Variants in ZDHHC14 observed in about 807,000 individuals in gnomAD.
The protein encoded by ZDHHC14 is palmitoyltransferase ZDHHC14.
ZDHHC14 carries 16 observed loss-of-function variants against 47.7 expected under a neutral mutation model. That is an observed-to-expected ratio of 0.34 (90% confidence interval 0.23 to 0.51). The LOEUF is 0.51. ZDHHC14 is among the 20% of genes least tolerant of loss of function. ZDHHC14 has a pLI of 0.97. For missense variants in ZDHHC14, 515 were observed against 662.5 expected (o/e 0.78, Z 2.44); for synonymous variants, 293 against 278.9 (o/e 1.05, Z -0.50).
intron 1 of ZDHHC14, among the ~76,000 whole-genome samples, chr6:157,428,016 G>A (rs760567188): frequency 1.3e-5 from 2 of 152,142 alleles, no homozygotes; most frequent in Admixed American, 6.5e-5. Flanking sequence ...AATAGGGATC[G>A]TGAATAGAGG....
In ZDHHC14 at chr6:157,402,831, A is replaced by G. The variant is rs556671787; in HGVS notation, c.245+20565A>G. Among the ~76,000 whole-genome samples, 13 of 152,136 alleles carry G rather than the reference A, an allele frequency of 8.5e-5. No individual in the cohort carries two copies. In the East Asian group the frequency reaches 2.3e-3, roughly 27 times the overall value. Reference sequence around the variant, plus strand: ...AACCTCCGCCTCCTGGGTTCAAGCAATTCTCCTGCCTCAGCCTCCCAAGTA... The same window carrying G: ...AACCTCCGCCTCCTGGGTTCAAGCAGTTCTCCTGCCTCAGCCTCCCAAGTA... On this transcript the variant is annotated intron_variant, in intron 1 of 8. Coordinates refer to ENST00000359775, the MANE Select transcript of ZDHHC14 (RefSeq NM_024630.3).
chr6:157,455,783 G>A lies in ZDHHC14; in HGVS notation c.245+73517G>A, dbSNP rs550192096. The stretch of plus-strand genomic sequence containing the variant: ...AAGCGGCTCTTGTTAGAAGGAAAAC[G>A]ACTGTAGAACACAGCATTTTCTCTC... On this transcript the variant is annotated intron_variant, in intron 1 of 8. Transcript: ENST00000359775. Among the ~76,000 whole-genome samples, 10 of 152,322 alleles carry A rather than the reference G, an allele frequency of 6.6e-5. No individual in the cohort carries two copies. The South Asian group carries it at 2.1e-3, about 32-fold the overall frequency.
rs1777470073 is a variant in ZDHHC14, at chr6:157,393,891, A to G, written c.245+11625A>G. ...CTTTCCTAAGCAAGATTGCACGGTC[A>G]TGGTGGTTGCTCTGGCCTTTGCAAA... is the stretch of plus-strand genomic sequence containing the variant. On this transcript the variant is annotated intron_variant, in intron 1 of 8. Transcript: ENST00000359775. Among the ~76,000 whole-genome samples, 3 of 152,182 alleles carry G rather than the reference A, an allele frequency of 2.0e-5. 1 individual carries two copies. The South Asian group carries it at 6.2e-4, about 32-fold the overall frequency.
chr6:157,397,079 T>C (rs187081316), intron 1 of ZDHHC14, among the ~76,000 whole-genome samples: 3 of 152,350 alleles, frequency 2.0e-5, no homozygotes, highest in African/African-American at 4.8e-5. Context: ...TTGACTCTTA[T>C]GTGAAATTGT....
chr6:157,646,647 A>G lies in ZDHHC14; in HGVS notation c.856-612A>G, dbSNP rs377718572. ...AAAAAAAAAGAGGAAACAAAATGTT[A>G]GAGAATGTTTCCAGAGCAGCGTGGT... is the stretch of plus-strand genomic sequence containing the variant. On this transcript the variant is annotated intron_variant, in intron 6 of 8. Transcript: ENST00000359775. 1.4e-4 allele frequency among the ~76,000 whole-genome samples: 21 copies of G among 151,470 alleles called. 1 individual carries two copies. In the South Asian group the frequency reaches 4.2e-3, roughly 30 times the overall value.
intron 1 of ZDHHC14, among the ~76,000 whole-genome samples, chr6:157,474,753 GT>G (rs1208152722): frequency 1.3e-5 from 2 of 152,070 alleles, no homozygotes; most frequent in Admixed American, 6.5e-5. Flanking sequence ...TGGGTTATTT[GT>G]TTTCTTAGTA....
intron 8 of ZDHHC14, among the ~76,000 whole-genome samples, chr6:157,653,990 C>G (rs1433531250): frequency 6.6e-6 from 1 of 152,178 alleles, no homozygotes; most frequent in East Asian, 1.9e-4. Context: ...CTTTCCGTCC[C>G]TTGGTCCCCA....
intron 1 of ZDHHC14, among the ~76,000 whole-genome samples, chr6:157,486,260 G>A (rs948841953): frequency 2.6e-5 from 4 of 152,092 alleles, no homozygotes; most frequent in Non-Finnish European, 2.9e-5. Flanking sequence ...TCACTACACC[G>A]GTACCTGTGA....
intron 1 of ZDHHC14, among the ~76,000 whole-genome samples, chr6:157,402,320 G>A (rs1285135635): frequency 1.3e-5 from 2 of 151,324 alleles, no homozygotes; most frequent in Admixed American, 6.6e-5. Context: ...ACCTGCTGAG[G>A]TCGCAGTTGC....
intron 2 of ZDHHC14, among the ~76,000 whole-genome samples, chr6:157,581,989 A>G (rs938021925): frequency 6.6e-6 from 1 of 152,088 alleles, no homozygotes; most frequent in Non-Finnish European, 1.5e-5. Context: ...TCTGGCTCCC[A>G]GGTTCAAGTG....
Position 157,673,236 on chromosome 6 carries a change from G to C in ZDHHC14, c.*114G>C. On this transcript the variant is annotated 3_prime_UTR_variant, in exon 9 of 9. Transcript: ENST00000359775. The surrounding 1 kb of genome is among the most constrained non-coding windows in gnomAD (Gnocchi z 5.4). The stretch of plus-strand genomic sequence containing the variant: ...AGCCAATGCCACGGTGGAGATGACA[G>C]CCCCAGGTCTGGGGTACAGAGACCA... 1 of 1,386,694 alleles carries C rather than the reference G, an allele frequency of 7.2e-7. No homozygotes were observed. The highest frequency in any genetic ancestry group is 1.5e-5 in the South Asian group (1 of 66,140). The allele number at this position is 1,386,694 out of a possible 1,614,324, so 85.9% of individuals were successfully genotyped here. A position where few individuals can be genotyped will look rare whatever the true frequency, so the allele number is the denominator to read the frequency against.
chr6:157,633,418 A>T (rs1297985895), intron 5 of ZDHHC14, among the ~76,000 whole-genome samples: 1 of 152,160 alleles, frequency 6.6e-6, no homozygotes. Flanking sequence ...ATTAATGAGG[A>T]GGATTCCCAT....
intron 1 of ZDHHC14, among the ~76,000 whole-genome samples, chr6:157,477,605 T>C (rs529440628): frequency 1.1e-4 from 17 of 152,242 alleles, no homozygotes; most frequent in Non-Finnish European, 2.2e-4. Context: ...GATACATTTA[T>C]TTCTTTTCTT....
chr6:157,666,317 T>C (rs1778554515), intron 8 of ZDHHC14, among the ~76,000 whole-genome samples: 1 of 152,168 alleles, frequency 6.6e-6, no homozygotes, highest in African/African-American at 2.4e-5. Flanking sequence ...AATACCCCAA[T>C]CCAGTATCAA....
chr6:157,414,348 C>T (rs911869782), intron 1 of ZDHHC14, among the ~76,000 whole-genome samples: 2 of 152,170 alleles, frequency 1.3e-5, no homozygotes, highest in South Asian at 2.1e-4. Flanking sequence ...TCTAAGCTTC[C>T]GCCCATCCCC....
chr6:157,427,593 C>T lies in ZDHHC14; in HGVS notation c.245+45327C>T, dbSNP rs142291832. Among the ~76,000 whole-genome samples, 7 of 152,162 alleles carry T rather than the reference C, an allele frequency of 4.6e-5. No individual in the cohort carries two copies. The highest frequency in any genetic ancestry group is 1.7e-4 in the African/African-American group (7 of 41,512). On this transcript the variant is annotated intron_variant, in intron 1 of 8. Coordinates refer to ENST00000359775, the MANE Select transcript of ZDHHC14 (RefSeq NM_024630.3). The surrounding 1 kb of genome is among the most constrained non-coding windows in gnomAD (Gnocchi z 4.4). Reference sequence around the variant, plus strand: ...CAAAAGGGAAACTGATGTGATAAATCACGGGGTCCAGGCTGGCAGAGATAT... The same window carrying T: ...CAAAAGGGAAACTGATGTGATAAATTACGGGGTCCAGGCTGGCAGAGATAT...
intron 8 of ZDHHC14, among the ~76,000 whole-genome samples, chr6:157,662,247 T>C (rs1245794503): frequency 6.6e-6 from 1 of 152,208 alleles, no homozygotes; most frequent in Admixed American, 6.5e-5. Context: ...GGTAGCACGA[T>C]CTCTGCTCAC....
chr6:157,430,797 C>T (rs1165210666), intron 1 of ZDHHC14, among the ~76,000 whole-genome samples: 1 of 152,248 alleles, frequency 6.6e-6, no homozygotes, highest in Non-Finnish European at 1.5e-5. Flanking sequence ...TGAAGATCTT[C>T]AATCACTGGT....
intron 1 of ZDHHC14, among the ~76,000 whole-genome samples, chr6:157,446,012 C>G (rs1206657427): frequency 1.3e-5 from 2 of 152,176 alleles, no homozygotes; most frequent in Non-Finnish European, 2.9e-5. Flanking sequence ...AGGGCCATTG[C>G]AGGTTTTGAT....
Sources: gnomAD v4.1 joint callset for allele counts (sites outside exome capture counted in the v4.1 genomes callset) on GRCh38, gnomAD v4.1.1 for gene constraint, Gnocchi (gnomAD v3.1) non-coding constraint, MANE v1.5 for transcripts, NCBI Gene and HGNC (gene_info 2026-07-23, HGNC 2026-07-21) for gene names.